Variants in LMAN1 observed in about 807,000 individuals in gnomAD.
LMAN1 encodes lectin, mannose binding 1.
LMAN1 carries 32 observed loss-of-function variants against 67.8 expected under a neutral mutation model. That is an observed-to-expected ratio of 0.47 (90% CI 0.36 to 0.63). The LOEUF is 0.63. LMAN1 is among the 30% of genes least tolerant of loss of function. The pLI is 0.00. For synonymous variants in LMAN1, 235 were observed against 219.3 expected (o/e 1.07, Z -0.63); for missense variants, 632 against 628.2 (o/e 1.01, Z -0.06).
At chr18:59,345,507 G>C (rs1439351645) in intron 8 of LMAN1, among the ~76,000 whole-genome samples, 1 of 152,110 alleles carries the variant, frequency 6.6e-6, no homozygotes, top group African/African-American at 2.4e-5. Flanking sequence ...GTAATTATGT[G>C]TCACTAAAAC....
In LMAN1 at chr18:59,355,342, A is replaced by G; in HGVS notation, c.448T>C (p.Phe150Leu). 2 of 1,613,836 alleles carry G rather than the reference A, an allele frequency of 1.2e-6. No homozygotes were observed. Among genetic ancestry groups the G allele is most frequent in the Non-Finnish European group, 1.7e-6 (2 of 1,179,760 alleles). ...CCATCATTGTCAAAAGAATCAAAAA[A>G]TATTCCAACACCATTCCACAGATCA... ...SADLWNGVGI[F>L]FDSFDNDGKK... The change falls in exon 3 of 13, where the codon TTT becomes CTT. Residue 150 changes from phenylalanine (F) to leucine (L), a missense_variant. Physicochemically the swap from Phe to Leu is conservative, Grantham distance 22. Coordinates refer to ENST00000251047, the MANE Select transcript of LMAN1 (RefSeq NM_005570.4).
At chr18:59,346,267 C>T (rs1180701059) in intron 7 of LMAN1, among the ~76,000 whole-genome samples, 22 of 124,230 alleles carry the variant, frequency 1.8e-4, no homozygotes, top group African/African-American at 6.8e-4. Flanking sequence ...GTCACCCAGG[C>T]TGGAGTGCAG....
At position 59,355,309 on chromosome 18, in the gene LMAN1, A is replaced by C; in HGVS notation, c.477+4T>G. On this transcript the variant is annotated splice_donor_region_variant and intron_variant, in intron 3 of 12. Transcript: ENST00000251047. ...GTGGATAACAGTCCTGACAATAAAT[A>C]TACCTTTCCATCATTGTCAAAAGAA... The C allele has an allele frequency of 6.3e-7, 1 of 1,598,040 alleles. No individual in the cohort carries two copies. The highest frequency in any genetic ancestry group is 8.6e-7 in the Non-Finnish European group (1 of 1,166,406).
rs1321151889 is a variant in LMAN1 at position 59,359,213 on chromosome 18, G to A, written c.32C>T (p.Ala11Val). Reference sequence around the variant, plus strand: ...GGCGCAGAACAGCGGCCGAACTCTGGCCCGGAGACCCCTTTGCCTGGATCC... The same window carrying A: ...GGCGCAGAACAGCGGCCGAACTCTGACCCGGAGACCCCTTTGCCTGGATCC... MAGSRQRGLR[A>V]RVRPLFCALL... is the part of the protein sequence containing the mutation. The change falls in exon 1 of 13, where the codon GCC becomes GTC. Residue 11 changes from alanine (A) to valine (V), a missense_variant. Physicochemically the swap from Ala to Val is moderately conservative, Grantham distance 64. Coordinates refer to ENST00000251047, the MANE Select transcript of LMAN1 (RefSeq NM_005570.4). 6.2e-7 allele frequency: 1 copy of A among 1,613,974 alleles called. No individual in the cohort carries two copies. The highest frequency in any genetic ancestry group is 2.2e-5 in the East Asian group (1 of 44,864).
At chr18:59,352,278 A>G (rs1006667230) in intron 5 of LMAN1, among the ~76,000 whole-genome samples, 1 of 152,108 alleles carries the variant, frequency 6.6e-6, no homozygotes, top group African/African-American at 2.4e-5. Flanking sequence ...AAATAGTACC[A>G]ATTAGCTGTC....
intron 10 of LMAN1, among the ~76,000 whole-genome samples, chr18:59,335,326 G>A (rs530273708): frequency 3.9e-5 from 6 of 152,034 alleles, no homozygotes; most frequent in South Asian, 4.2e-4. Context: ...CCAGCTAGGC[G>A]GGAGGCTGAG....
rs1195521451 is a variant in LMAN1, at chr18:59,330,985, T to C, written c.*108A>G. The C allele has an allele frequency of 1.3e-6, 1 of 764,756 alleles. No individual in the cohort carries two copies. The highest frequency in any genetic ancestry group is 2.2e-6 in the Non-Finnish European group (1 of 449,840). The allele number at this position is 764,756 out of a possible 1,614,324, so 47.4% of individuals were successfully genotyped here. ...CAAATCAATGTTTAAACAGTTATTTTATTAAGAAAATTAATAATTTAGACT... is the reference window on the plus strand; with the variant it reads ...CAAATCAATGTTTAAACAGTTATTTCATTAAGAAAATTAATAATTTAGACT... On this transcript the variant is annotated 3_prime_UTR_variant, in exon 13 of 13. Coordinates refer to ENST00000251047, the MANE Select transcript of LMAN1 (RefSeq NM_005570.4).
Position 59,346,087 on chromosome 18 carries a change from G to A in LMAN1, c.823-36C>T, listed in dbSNP as rs138458146. ...GAGTTTTGGAATAGATCATTAAAAA[G>A]ATAAGAAAATCATTAAGATATCTCT... On this transcript the variant is annotated intron_variant, in intron 7 of 12. Coordinates refer to ENST00000251047, the MANE Select transcript of LMAN1 (RefSeq NM_005570.4). 302 of 1,528,962 alleles carry A rather than the reference G, an allele frequency of 2.0e-4. 4 individuals carry two copies. In the African/African-American group the frequency reaches 3.5e-3, roughly 18 times the overall value. 94.7% of individuals were successfully genotyped at this position (1,528,962 alleles called of 1,614,324 possible). A position where few individuals can be genotyped will look rare whatever the true frequency, so the allele number is the denominator to read the frequency against.
intron 5 of LMAN1, among the ~76,000 whole-genome samples, chr18:59,352,009 T>A (rs541202622): frequency 2.6e-5 from 4 of 152,248 alleles, no homozygotes; most frequent in Non-Finnish European, 5.9e-5. Flanking sequence ...GTCTAGCTCA[T>A]GATTTAGGTG....
chr18:59,338,623 G>C lies in LMAN1; in HGVS notation c.1154C>G (p.Thr385Ser), dbSNP rs779819301. The C allele has an allele frequency of 6.2e-7, 1 of 1,613,394 alleles. No individual in the cohort carries two copies. The highest frequency in any genetic ancestry group is 2.2e-5 in the East Asian group (1 of 44,884). Residue 385 changes from threonine (T) to serine (S), a missense_variant, in exon 10 of 13, where the codon ACT becomes AGT. Thr to Ser is a moderately conservative substitution (Grantham distance 58, BLOSUM62 1). Coordinates refer to ENST00000251047, the MANE Select transcript of LMAN1 (RefSeq NM_005570.4). ...AGMPGQHGQI[T>S]QQELDTVVKT... is the part of the protein sequence containing the mutation. ...CACAACAGTATCCAGTTCTTGTTGAGTAATCTGGAGGAAGAAACAATGACG... is the reference window on the plus strand; with the variant it reads ...CACAACAGTATCCAGTTCTTGTTGACTAATCTGGAGGAAGAAACAATGACG...
chr18:59,358,631 T>G (rs1364018167), intron 1 of LMAN1, among the ~76,000 whole-genome samples: 3 of 151,744 alleles, frequency 2.0e-5, no homozygotes, highest in Non-Finnish European at 1.5e-5. Flanking sequence ...CTAGAACATG[T>G]CTCAGGTTGG....
intron 11 of LMAN1, 63 bp downstream of exon 11, chr18:59,333,028 T>C (rs2070757245): frequency 2.2e-6 from 3 of 1,335,888 alleles, no homozygotes; most frequent in South Asian, 1.2e-5. Context: ...ATACTTGCAG[T>C]AGAGTATGAG....
chr18:59,331,312 T>G, intron 12 of LMAN1, 106 bp downstream of exon 12: 1 of 1,247,918 alleles, frequency 8.0e-7, no homozygotes, highest in East Asian at 2.4e-5. Flanking sequence ...TAAACTTAAT[T>G]TTATAGGTGG....
intron 5 of LMAN1, among the ~76,000 whole-genome samples, chr18:59,349,797 A>G (rs117488588): frequency 2.0e-4 from 31 of 152,360 alleles, no homozygotes; most frequent in Admixed American, 5.2e-4. Context: ...TGCAAAATGT[A>G]TATTTGAAGG....
intron 11 of LMAN1, among the ~76,000 whole-genome samples, chr18:59,332,492 AAC>A (rs2144208320): frequency 6.6e-6 from 1 of 152,296 alleles, no homozygotes; most frequent in Non-Finnish European, 1.5e-5. Context: ...AGTTTAATGT[AAC>A]ATTATTATTA....
intron 3 of LMAN1, 82 bp downstream of exon 3, chr18:59,355,231 A>G: frequency 9.7e-7 from 1 of 1,032,990 alleles, no homozygotes; most frequent in Non-Finnish European, 1.5e-6. Context: ...TGATGAAAGC[A>G]TTGAATAAGC....
intron 5 of LMAN1, among the ~76,000 whole-genome samples, chr18:59,350,791 G>A (rs761450711): frequency 1.3e-5 from 2 of 152,068 alleles, no homozygotes; most frequent in Admixed American, 6.6e-5. Flanking sequence ...CACCGCGCCC[G>A]GCCCCAATTT....
chr18:59,345,228 A>G (rs1417571443), intron 8 of LMAN1, among the ~76,000 whole-genome samples: 3 of 152,238 alleles, frequency 2.0e-5, no homozygotes, highest in African/African-American at 7.2e-5. Context: ...GCCTTTATTA[A>G]GTACACCTTT....
rs575817934 is a variant in LMAN1, at chr18:59,331,840, A to G, written c.1375-301T>C. ...AGGTCACTGAGACTAGCGTCACCAC[A>G]GACAACTCCTCTGGATACTCCCAGT... is the stretch of plus-strand genomic sequence containing the variant. On this transcript the variant is annotated intron_variant, in intron 11 of 12. Transcript: ENST00000251047. 1.1e-4 allele frequency among the ~76,000 whole-genome samples: 16 copies of G among 152,268 alleles called. 1 individual carries two copies. The South Asian group carries it at 3.3e-3, about 32-fold the overall frequency.
Sources: allele counts gnomAD v4.1 joint callset (sites outside exome capture counted in the v4.1 genomes callset), GRCh38; gene constraint gnomAD v4.1.1; transcripts MANE v1.5; gene names NCBI Gene and HGNC (gene_info 2026-07-23, HGNC 2026-07-21).